Variants in PGCKA1 observed in about 807,000 individuals in gnomAD.
PGCKA1 encodes PDCD10 and GCKIII kinases associated 1.
chr4:37,588,374 A>C, the PGCKA1 span: 1 of 156,736 alleles, frequency 6.4e-6, no homozygotes, highest in Non-Finnish European at 1.4e-5. Context: ...TGGATCCGCC[A>C]GCTTATTCCG....
the PGCKA1 span, among the ~76,000 whole-genome samples, chr4:37,479,503 C>T: frequency 6.6e-6 from 1 of 152,010 alleles, no homozygotes; most frequent in African/African-American, 2.4e-5. Context: ...GAAATAATCA[C>T]ACAAACGCAA....
At chr4:37,479,850 A>G in the PGCKA1 span, among the ~76,000 whole-genome samples, 1 of 152,230 alleles carries the variant, frequency 6.6e-6, no homozygotes, top group African/African-American at 2.4e-5. Flanking sequence ...AGACAAGATT[A>G]CTTCATTTGT....
chr4:37,562,605 C>A, the PGCKA1 span, among the ~76,000 whole-genome samples: 5 of 152,230 alleles, frequency 3.3e-5, no homozygotes, highest in Non-Finnish European at 7.3e-5. Flanking sequence ...CTGGAATGTG[C>A]TCTGGAAATC....
At chr4:37,527,828 CA>C in the PGCKA1 span, among the ~76,000 whole-genome samples, 76 of 143,142 alleles carry the variant, frequency 5.3e-4, no homozygotes, top group Admixed American at 8.4e-4. Context: ...GACTCCGTCT[CA>C]AAAAAAAAAA....
At chr4:37,470,145 C>T in the PGCKA1 span, among the ~76,000 whole-genome samples, 1 of 152,224 alleles carries the variant, frequency 6.6e-6, no homozygotes, top group South Asian at 2.1e-4. Context: ...TACCGGGGAA[C>T]TTGTTTATGT....
the PGCKA1 span, among the ~76,000 whole-genome samples, chr4:37,496,294 A>T: frequency 1.3e-5 from 2 of 152,248 alleles, no homozygotes; most frequent in South Asian, 4.1e-4. Flanking sequence ...TGATTTTTGT[A>T]TGTGGCATAA....
chr4:37,574,372 C>A, the PGCKA1 span, among the ~76,000 whole-genome samples: 1 of 151,914 alleles, frequency 6.6e-6, no homozygotes, highest in Non-Finnish European at 1.5e-5. Flanking sequence ...TAATTCCAAC[C>A]CATTTCACAT....
the PGCKA1 span, among the ~76,000 whole-genome samples, chr4:37,561,119 G>A: frequency 6.6e-6 from 1 of 152,148 alleles, no homozygotes; most frequent in Non-Finnish European, 1.5e-5. Context: ...CAGGTGCACT[G>A]TTCCATCCTT....
the PGCKA1 span, among the ~76,000 whole-genome samples, chr4:37,500,830 T>C: frequency 2.0e-5 from 3 of 152,226 alleles, no homozygotes; most frequent in Non-Finnish European, 4.4e-5. Flanking sequence ...ATATTTAGGA[T>C]AGTTTCTTGT....
chr4:37,480,890 G>C, the PGCKA1 span, among the ~76,000 whole-genome samples: 1 of 152,212 alleles, frequency 6.6e-6, no homozygotes, highest in Admixed American at 6.5e-5. Context: ...TTATTAAGGT[G>C]AACTTTAGAA....
chr4:37,587,036 G>A, the PGCKA1 span, among the ~76,000 whole-genome samples: 2 of 151,862 alleles, frequency 1.3e-5, no homozygotes, highest in African/African-American at 4.8e-5. Context: ...AGGTGTCACC[G>A]GGGCCACACT....
At chr4:37,581,598 C>T in the PGCKA1 span, among the ~76,000 whole-genome samples, 1 of 152,166 alleles carries the variant, frequency 6.6e-6, no homozygotes, top group African/African-American at 2.4e-5. The surrounding 1 kb of genome is among the most constrained non-coding windows in gnomAD (Gnocchi z 4.4). Context: ...GCTAATGTGG[C>T]TGAGCTGGTA....
At chr4:37,512,585 C>CT in the PGCKA1 span, among the ~76,000 whole-genome samples, 3 of 151,402 alleles carry the variant, frequency 2.0e-5, no homozygotes, top group African/African-American at 7.3e-5. Flanking sequence ...TCCCGAATAG[C>CT]TGGGACTACA....
chr4:37,554,869 G>C, the PGCKA1 span, among the ~76,000 whole-genome samples: 1 of 152,182 alleles, frequency 6.6e-6, no homozygotes, highest in South Asian at 2.1e-4. Context: ...ATAGAAAGTA[G>C]CTGGAGGAGT....
At chr4:37,528,323 A>G in the PGCKA1 span, among the ~76,000 whole-genome samples, 1,321 of 152,314 alleles carry the variant, frequency 8.7e-3, 9 homozygotes, top group Non-Finnish European at 0.015. Context: ...CACGACATCT[A>G]GTGCTCACTG....
At chr4:37,551,580 A>G in the PGCKA1 span, among the ~76,000 whole-genome samples, 2 of 152,240 alleles carry the variant, frequency 1.3e-5, no homozygotes, top group Non-Finnish European at 2.9e-5. Flanking sequence ...AGAGAGGTCT[A>G]TAAGAAATTT....
chr4:37,456,513 G>A, the PGCKA1 span, among the ~76,000 whole-genome samples: 1 of 152,216 alleles, frequency 6.6e-6, no homozygotes, highest in African/African-American at 2.4e-5. Context: ...ATGTTCCAGA[G>A]CTGCAATGAA....
chr4:37,555,874 C>G, the PGCKA1 span, among the ~76,000 whole-genome samples: 3 of 152,094 alleles, frequency 2.0e-5, no homozygotes, highest in East Asian at 5.8e-4. Flanking sequence ...CTTCACATCT[C>G]ACTCCCTAGG....
chr4:37,468,479 C>T, the PGCKA1 span, among the ~76,000 whole-genome samples: 1 of 152,186 alleles, frequency 6.6e-6, no homozygotes, highest in African/African-American at 2.4e-5. Flanking sequence ...AGGATCTCAC[C>T]TCTGGTGCCT....
Sources: allele counts gnomAD v4.1 joint callset (sites outside exome capture counted in the v4.1 genomes callset), GRCh38; gene constraint gnomAD v4.1.1; non-coding constraint Gnocchi (gnomAD v3.1); transcripts MANE v1.5; gene names NCBI Gene and HGNC (gene_info 2026-07-23, HGNC 2026-07-21).